HNF1B: variants seen among roughly 807,000 people sequenced by gnomAD.
The protein encoded by HNF1B is hepatocyte nuclear factor 1-beta.
A neutral mutation model predicts 61.7 loss-of-function variants in HNF1B; 8 were observed. That is an observed-to-expected ratio of 0.13 (90% CI 0.08 to 0.23). HNF1B has a LOEUF of 0.23. Ranked by LOEUF, HNF1B falls within the 10% of genes least tolerant of loss-of-function variation. HNF1B has a pLI of 1.00. For synonymous variants in HNF1B, 314 were observed against 287.7 expected, an observed-to-expected ratio of 1.09 and a Z score of -0.93; for missense variants, 562 against 714.5, an observed-to-expected ratio of 0.79 and a Z score of 2.43.
chr17:37,704,568 C>T (rs1442460974), intron 6 of HNF1B, among the ~76,000 whole-genome samples: 1 of 152,152 alleles, frequency 6.6e-6, no homozygotes, highest in Non-Finnish European at 1.5e-5. Flanking sequence ...CATATTCATG[C>T]TTTAGAGATT....
intron 3 of HNF1B, among the ~76,000 whole-genome samples, chr17:37,732,922 C>G (rs972745016): frequency 2.6e-5 from 4 of 151,088 alleles, no homozygotes; most frequent in Non-Finnish European, 4.4e-5. Context: ...CTCAAGCAAT[C>G]CTCCCGCCTC....
chr17:37,699,346 G>A, intron 7 of HNF1B, 152 bp from the exon 8 acceptor site: 1 of 715,350 alleles, frequency 1.4e-6, no homozygotes, highest in Non-Finnish European at 2.6e-6. Context: ...TTATCCATAA[G>A]ATTCATGTAA....
intron 4 of HNF1B, among the ~76,000 whole-genome samples, chr17:37,722,495 G>A (rs1033185565): frequency 9.8e-5 from 15 of 152,316 alleles, no homozygotes; most frequent in African/African-American, 3.1e-4. Context: ...CCAGACACAC[G>A]CATCTGAATC....
intron 8 of HNF1B, among the ~76,000 whole-genome samples, chr17:37,689,087 G>A (rs753818661): frequency 4.2e-4 from 63 of 149,602 alleles, no homozygotes; most frequent in Non-Finnish European, 7.1e-4. Flanking sequence ...GGAGGTTGTG[G>A]TGAGCCGATA....
chr17:37,739,127 A>G (rs2033916611), intron 2 of HNF1B, among the ~76,000 whole-genome samples: 1 of 152,190 alleles, frequency 6.6e-6, no homozygotes, highest in African/African-American at 2.4e-5. Flanking sequence ...CAGGGAAGAC[A>G]TTTCACTCTG....
chr17:37,740,882 A>G (rs897566132), intron 1 of HNF1B, among the ~76,000 whole-genome samples: 1 of 152,256 alleles, frequency 6.6e-6, no homozygotes, highest in African/African-American at 2.4e-5. Flanking sequence ...AACTTTGCCA[A>G]TATCTTTTCT....
chr17:37,706,147 C>T (rs909813109), intron 5 of HNF1B, among the ~76,000 whole-genome samples: 39 of 152,024 alleles, frequency 2.6e-4, no homozygotes, highest in Non-Finnish European at 4.6e-4. Context: ...TTAGTAGAGA[C>T]GGGATTTCAC....
intron 4 of HNF1B, among the ~76,000 whole-genome samples, chr17:37,726,183 G>A (rs1449257251): frequency 6.6e-6 from 1 of 151,652 alleles, no homozygotes; most frequent in Non-Finnish European, 1.5e-5. Context: ...TCTCTGTGTT[G>A]GGTTTAGTGC....
rs956685047 is a variant in HNF1B at position 37,687,139 on chromosome 17, G to C, written c.*233C>G. 7 of 671,216 alleles carry C rather than the reference G, an allele frequency of 1.0e-5. No individual in the cohort carries two copies. The African/African-American group carries it at 1.1e-4, about 10-fold the overall frequency. The allele number at this position is 671,216 out of a possible 1,614,324, so 41.6% of individuals were successfully genotyped here. On this transcript the variant is annotated 3_prime_UTR_variant, in exon 9 of 9. Coordinates refer to ENST00000617811, the MANE Select transcript of HNF1B (RefSeq NM_000458.4). The stretch of plus-strand genomic sequence containing the variant: ...ACCTCCAGGACAGACAGGAGTCCTT[G>C]ACATCGTGGGAGAGGCATTGTGGCA...
chr17:37,696,277 A>G (rs1436866746), intron 8 of HNF1B, among the ~76,000 whole-genome samples: 1 of 152,044 alleles, frequency 6.6e-6, no homozygotes, highest in East Asian at 1.9e-4. Flanking sequence ...AAACAAAAAA[A>G]ATGCAAAAAT....
chr17:37,694,493 G>A (rs1194092951), intron 8 of HNF1B, among the ~76,000 whole-genome samples: 1 of 137,798 alleles, frequency 7.3e-6, no homozygotes, highest in Admixed American at 8.2e-5. Context: ...AAGCAGCTTT[G>A]GCAATGGGTA....
intron 4 of HNF1B, among the ~76,000 whole-genome samples, chr17:37,724,925 T>C (rs927876562): frequency 8.0e-5 from 11 of 138,238 alleles, no homozygotes; most frequent in South Asian, 4.7e-4. Flanking sequence ...TGTGTGTGTG[T>C]GTGTGTGTGT....
chr17:37,708,891 A>T (rs572761620), intron 5 of HNF1B, among the ~76,000 whole-genome samples: 1 of 152,056 alleles, frequency 6.6e-6, no homozygotes, highest in Non-Finnish European at 1.5e-5. Context: ...CAGAAACCAC[A>T]CTTGTTTTTC....
intron 4 of HNF1B, among the ~76,000 whole-genome samples, chr17:37,715,148 G>A (rs1411039887): frequency 1.3e-5 from 2 of 151,962 alleles, no homozygotes; most frequent in African/African-American, 4.8e-5. Flanking sequence ...TCCTTCCTTT[G>A]TATTTTACAT....
chr17:37,709,624 C>T (rs1369880691), intron 5 of HNF1B, among the ~76,000 whole-genome samples: 1 of 152,198 alleles, frequency 6.6e-6, no homozygotes, highest in African/African-American at 2.4e-5. Flanking sequence ...GCTAAACTTG[C>T]ATCTGGGTGT....
chr17:37,700,002 CT>C (rs1383926616), intron 7 of HNF1B, among the ~76,000 whole-genome samples: 31 of 152,312 alleles, frequency 2.0e-4, no homozygotes, highest in Admixed American at 1.8e-3. Flanking sequence ...CAGTTTACCC[CT>C]ATGTTTATTT....
chr17:37,701,312 A>C, intron 6 of HNF1B, 135 bp from the exon 7 acceptor site: 1 of 815,402 alleles, frequency 1.2e-6, no homozygotes, highest in Non-Finnish European at 2.0e-6. Flanking sequence ...CATGGGAGGC[A>C]AGTGTAAAGA....
intron 5 of HNF1B, among the ~76,000 whole-genome samples, chr17:37,705,695 G>A (rs62073541): frequency 2.2e-4 from 33 of 152,044 alleles, no homozygotes; most frequent in Non-Finnish European, 4.6e-4. Flanking sequence ...TTCCAAGTAT[G>A]TAATTGTAAT....
At chr17:37,704,733 G>A (rs757601604) in intron 6 of HNF1B, among the ~76,000 whole-genome samples, 184 bp downstream of exon 6, 4 of 152,142 alleles carry the variant, frequency 2.6e-5, no homozygotes, top group Non-Finnish European at 4.4e-5. Context: ...ATTTTCTCTT[G>A]TTTTAGGCTA....
Sources: allele counts gnomAD v4.1 joint callset (sites outside exome capture counted in the v4.1 genomes callset), GRCh38; gene constraint gnomAD v4.1.1; transcripts MANE v1.5; gene names NCBI Gene and HGNC (gene_info 2026-07-23, HGNC 2026-07-21).